FOXP1: variants seen among roughly 807,000 people sequenced by gnomAD.
The protein encoded by FOXP1 is forkhead box P1, also known as forkhead box protein P1.
Under a neutral mutation model 98.2 loss-of-function variants are expected in FOXP1, and 15 were observed. The observed-to-expected ratio is 0.15, with a 90% CI of 0.10 to 0.24. FOXP1 has a LOEUF of 0.24. Ranked by LOEUF, FOXP1 falls within the 10% of genes least tolerant of loss-of-function variation. FOXP1 has a pLI of 1.00. For missense variants in FOXP1, 633 were observed against 848.5 expected, an observed-to-expected ratio of 0.75 and a Z score of 3.15; for synonymous variants, 371 against 314.5, an observed-to-expected ratio of 1.18 and a Z score of -1.90.
At chr3:71,486,989 C>A (rs533351076) in intron 3 of FOXP1, among the ~76,000 whole-genome samples, 2 of 152,056 alleles carry the variant, frequency 1.3e-5, no homozygotes, top group Non-Finnish European at 2.9e-5. Flanking sequence ...GGTCAGCACC[C>A]GGCATGTATG....
intron 4 of FOXP1, among the ~76,000 whole-genome samples, chr3:71,328,993 A>C (rs565636086): frequency 4.8e-4 from 71 of 148,830 alleles, no homozygotes; most frequent in African/African-American, 1.7e-3. Flanking sequence ...AAAAAAACAA[A>C]AAAAAAAAAA....
intron 4 of FOXP1, among the ~76,000 whole-genome samples, chr3:71,331,399 C>G (rs1028223107): frequency 6.7e-6 from 1 of 148,568 alleles, no homozygotes; most frequent in Non-Finnish European, 1.5e-5. Context: ...TGGGCTCCTG[C>G]GCAGCCCAAG....
chr3:71,546,762 T>C (rs1035612641), intron 2 of FOXP1, among the ~76,000 whole-genome samples: 3 of 152,188 alleles, frequency 2.0e-5, no homozygotes, highest in African/African-American at 7.2e-5. Context: ...CTGCCTAGCC[T>C]CTGCAGCCCA....
chr3:71,576,921 A>G (rs978402887), intron 2 of FOXP1, among the ~76,000 whole-genome samples: 16 of 152,226 alleles, frequency 1.1e-4, no homozygotes, highest in Admixed American at 1.0e-3. Context: ...CCCATAAAAT[A>G]ACTACCGAAC....
intron 19 of FOXP1, chr3:70,966,298 C>A: frequency 1.9e-6 from 1 of 536,312 alleles, no homozygotes; most frequent in Non-Finnish European, 3.4e-6. Context: ...GTAGGAAGGA[C>A]TCAATTTGGT....
At chr3:71,286,550 C>CATTAA (rs1377771350) in intron 5 of FOXP1, among the ~76,000 whole-genome samples, 1 of 152,034 alleles carries the variant, frequency 6.6e-6, no homozygotes, top group African/African-American at 2.4e-5. Flanking sequence ...ATGGCATGTG[C>CATTAA]TGGGACAAGA....
intron 3 of FOXP1, among the ~76,000 whole-genome samples, chr3:71,380,480 T>C (rs1284016602): frequency 6.6e-6 from 1 of 152,200 alleles, no homozygotes; most frequent in Non-Finnish European, 1.5e-5. Flanking sequence ...GGCAGGGTTA[T>C]TGTAGCCAGT....
At chr3:71,366,022 T>C (rs969795028) in intron 3 of FOXP1, among the ~76,000 whole-genome samples, 2 of 152,066 alleles carry the variant, frequency 1.3e-5, no homozygotes, top group African/African-American at 2.4e-5. Context: ...CTTAACCAAT[T>C]TCAGGGTAGG....
At chr3:71,226,913 G>T (rs990254031) in intron 5 of FOXP1, among the ~76,000 whole-genome samples, 1 of 152,138 alleles carries the variant, frequency 6.6e-6, no homozygotes, top group Admixed American at 6.5e-5. Context: ...GCCAAAGCAC[G>T]CAGGATGTCA....
intron 4 of FOXP1, among the ~76,000 whole-genome samples, chr3:71,344,770 GTT>G (rs1560341692): frequency 6.6e-6 from 1 of 151,988 alleles, no homozygotes. Flanking sequence ...CCTGGCAGAG[GTT>G]GCAGTGAGCT....
At chr3:71,487,917 T>TATAA (rs2090781691) in intron 3 of FOXP1, among the ~76,000 whole-genome samples, 1 of 152,234 alleles carries the variant, frequency 6.6e-6, no homozygotes, top group African/African-American at 2.4e-5. Context: ...TATTCAATTT[T>TATAA]ATAAATAGCA....
intron 6 of FOXP1, among the ~76,000 whole-genome samples, chr3:71,156,125 A>C (rs1239544460): frequency 1.3e-5 from 2 of 152,186 alleles, no homozygotes; most frequent in Non-Finnish European, 2.9e-5. Context: ...GGACTGCTGA[A>C]CGACTGAGTG....
At chr3:71,086,302 T>C (rs2055088999) in intron 7 of FOXP1, among the ~76,000 whole-genome samples, 1 of 152,186 alleles carries the variant, frequency 6.6e-6, no homozygotes, top group African/African-American at 2.4e-5. Context: ...CTCTGCCCTC[T>C]TTCAGACTGT....
At chr3:71,357,090 A>C (rs557055743) in intron 4 of FOXP1, among the ~76,000 whole-genome samples, 1 of 152,152 alleles carries the variant, frequency 6.6e-6, no homozygotes, top group Non-Finnish European at 1.5e-5. Flanking sequence ...TTGAGTCTAC[A>C]TAAGAACAGA....
At chr3:71,433,019 T>A (rs1032998032) in intron 3 of FOXP1, among the ~76,000 whole-genome samples, 2 of 151,896 alleles carry the variant, frequency 1.3e-5, no homozygotes, top group African/African-American at 2.4e-5. Context: ...TTGGTCTTCT[T>A]GGATCTTTTG....
intron 3 of FOXP1, among the ~76,000 whole-genome samples, chr3:71,445,689 CTTT>C (rs112723777): frequency 0.27 from 38,817 of 142,048 alleles, 5,134 homozygotes; most frequent in Middle Eastern, 0.38. Flanking sequence ...ATATTTATAC[CTTT>C]TTTTTTTTTT....
At chr3:71,304,428 A>G (rs1341915926) in intron 4 of FOXP1, among the ~76,000 whole-genome samples, 1 of 152,230 alleles carries the variant, frequency 6.6e-6, no homozygotes, top group Non-Finnish European at 1.5e-5. Context: ...TTAGTGTGCA[A>G]TAAGAGTTAA....
At chr3:70,978,358 C>A (rs550903250) in intron 14 of FOXP1, among the ~76,000 whole-genome samples, 1 of 150,476 alleles carries the variant, frequency 6.6e-6, no homozygotes, top group Admixed American at 6.6e-5. Context: ...AGGCTTTGAT[C>A]GCCCATCAGG....
chr3:71,255,780 G>A (rs1029136912), intron 5 of FOXP1, among the ~76,000 whole-genome samples: 1 of 152,100 alleles, frequency 6.6e-6, no homozygotes, highest in African/African-American at 2.4e-5. Flanking sequence ...TTTTAAAAGG[G>A]TCTGAAACGA....
Sources: gnomAD v4.1 joint callset for allele counts (sites outside exome capture counted in the v4.1 genomes callset) on GRCh38, gnomAD v4.1.1 for gene constraint, MANE v1.5 for transcripts, NCBI Gene and HGNC (gene_info 2026-07-23, HGNC 2026-07-21) for gene names.